NOL11: variants seen among roughly 807,000 people sequenced by gnomAD.
NOL11 encodes the protein nucleolar protein 11.
NOL11 carries 42 observed loss-of-function variants against 93.0 expected under a neutral mutation model. That is an observed-to-expected ratio of 0.45 (90% CI 0.35 to 0.58). The LOEUF is 0.58. NOL11 is among the 20% of genes least tolerant of loss of function. The probability of loss-of-function intolerance (pLI) is 0.00; values close to 1 mark genes in which losing one functional copy is unlikely to be tolerated. For synonymous variants in NOL11, 296 were observed against 293.7 expected (o/e 1.01, Z -0.08); for missense variants, 775 against 841.8 (o/e 0.92, Z 0.98).
chr17:67,720,263 A>G (rs1441649102), intron 3 of NOL11: 1 of 202,360 alleles, frequency 4.9e-6, no homozygotes, highest in Non-Finnish European at 9.8e-6. Context: ...GAATAGGTAG[A>G]ATAGACCCTG....
At chr17:67,723,169 C>T (rs2043231589) in intron 5 of NOL11, among the ~76,000 whole-genome samples, 1 of 151,726 alleles carries the variant, frequency 6.6e-6, no homozygotes, top group South Asian at 2.1e-4. Flanking sequence ...TGCACCACCA[C>T]GCCCAGCTAA....
chr17:67,723,744 TA>T (rs34643635), intron 5 of NOL11, among the ~76,000 whole-genome samples: 3,696 of 144,094 alleles, frequency 0.026, 156 homozygotes, highest in African/African-American at 0.081. Context: ...TCATCTCTAT[TA>T]AAAAAAAAAA....
At chr17:67,721,148 G>A (rs1395788653) in intron 3 of NOL11, among the ~76,000 whole-genome samples, 2 of 152,214 alleles carry the variant, frequency 1.3e-5, no homozygotes, top group South Asian at 2.1e-4. Flanking sequence ...AACCAAAAAT[G>A]AATTTACAGA....
At chr17:67,730,609 T>G (rs1041712946) in intron 7 of NOL11, among the ~76,000 whole-genome samples, 2 of 150,554 alleles carry the variant, frequency 1.3e-5, no homozygotes, top group Non-Finnish European at 3.0e-5. Context: ...GGGGAATTAC[T>G]GGGTCATGCG....
chr17:67,721,246 A>C, intron 3 of NOL11, 132 bp from the exon 4 acceptor site: 2 of 567,986 alleles, frequency 3.5e-6, no homozygotes, highest in South Asian at 3.3e-5. Context: ...TTGGAACCAT[A>C]CATAATTATA....
In NOL11 at chr17:67,724,244, T is replaced by C. The variant is rs76415921; in HGVS notation, c.664+51T>C. ...AGAGATTATAAATAGAGGATTGTTA[T>C]AGGATAGTGTATGTTTTTGAATCGT... On this transcript the variant is annotated intron_variant, in intron 6 of 17. Coordinates refer to ENST00000253247, the MANE Select transcript of NOL11 (RefSeq NM_015462.5). 687 of 1,088,738 alleles carry C rather than the reference T, an allele frequency of 6.3e-4. 3 individuals are homozygous for C. In the African/African-American group the frequency reaches 9.0e-3, roughly 14 times the overall value. The allele number at this position is 1,088,738 out of a possible 1,614,324, so 67.4% of individuals were successfully genotyped here. A position where few individuals can be genotyped will look rare whatever the true frequency, so the allele number is the denominator to read the frequency against.
chr17:67,726,412 T>C, intron 6 of NOL11, 48 bp from the exon 7 acceptor site: 1 of 1,496,822 alleles, frequency 6.7e-7, no homozygotes, highest in South Asian at 1.3e-5. Flanking sequence ...CTGTAATAGA[T>C]ATAGAAGTAT....
chr17:67,743,372 T>G, intron 16 of NOL11, 107 bp from the exon 17 acceptor site: 1 of 465,832 alleles, frequency 2.1e-6, no homozygotes. Flanking sequence ...CAGATTTTAT[T>G]TATAAAGACT....
In NOL11 at chr17:67,726,573, C is replaced by T. The variant is rs1335044465; in HGVS notation, c.778C>T (p.Arg260Ter). ...LLKAVVSGNA[R>*]NGVALTALDQ... ...CAAGGCTGTTGTATCTGGTAACGCTCGAAATGGAGTTGCACTCACTGCCCT... is the reference window on the plus strand; with the variant it reads ...CAAGGCTGTTGTATCTGGTAACGCTTGAAATGGAGTTGCACTCACTGCCCT... Residue 260 changes from arginine to a stop codon, truncating the protein, a stop_gained, in exon 7 of 18, where the codon CGA becomes TGA. Transcript: ENST00000253247. LOFTEE classifies it high-confidence loss of function. 2 of 1,614,068 alleles carry T rather than the reference C, an allele frequency of 1.2e-6. No homozygotes were observed. The highest frequency in any genetic ancestry group is 1.3e-5 in the African/African-American group (1 of 75,042).
chr17:67,740,794 A>G (rs1225046319), intron 16 of NOL11: 1 of 154,620 alleles, frequency 6.5e-6, no homozygotes, highest in Non-Finnish European at 1.5e-5. Context: ...CAACCATCCC[A>G]CATAGAAGCA....
intron 1 of NOL11, 120 bp from the exon 2 acceptor site, chr17:67,719,554 C>G (rs1394415937): frequency 2.2e-5 from 13 of 577,940 alleles, no homozygotes; most frequent in Non-Finnish European, 3.7e-5. Context: ...CCACTGCCCT[C>G]GGCCAGTAAA....
intron 7 of NOL11, among the ~76,000 whole-genome samples, chr17:67,731,856 T>G (rs919171699): frequency 6.6e-6 from 1 of 152,234 alleles, no homozygotes; most frequent in Non-Finnish European, 1.5e-5. Flanking sequence ...ACCACACTGT[T>G]TTGATTACTG....
Position 67,744,006 on chromosome 17 carries a change from G to T in NOL11, c.*147G>T. The T allele has an allele frequency of 2.2e-6, 1 of 455,078 alleles. No homozygotes were observed. The highest frequency in any genetic ancestry group is 3.9e-6 in the Non-Finnish European group (1 of 257,420). The allele number at this position is 455,078 out of a possible 1,614,324, so 28.2% of individuals were successfully genotyped here. A position where few individuals can be genotyped will look rare whatever the true frequency, so the allele number is the denominator to read the frequency against. On this transcript the variant is annotated 3_prime_UTR_variant, in exon 18 of 18. Coordinates refer to ENST00000253247, the MANE Select transcript of NOL11 (RefSeq NM_015462.5). ...GTACCTGGACCATCACTTAACTGAT[G>T]CTCCGGGGTAGGACTGCAGGTTTCA...
At chr17:67,723,016 T>C (rs886690191) in intron 5 of NOL11, among the ~76,000 whole-genome samples, 3 of 150,428 alleles carry the variant, frequency 2.0e-5, no homozygotes, top group Non-Finnish European at 4.4e-5. Context: ...TTTTTTTTTT[T>C]TTTTTTTTTT....
chr17:67,728,956 C>A (rs1057013352), intron 7 of NOL11, among the ~76,000 whole-genome samples: 2 of 151,960 alleles, frequency 1.3e-5, no homozygotes, highest in African/African-American at 4.8e-5. Context: ...TTTTGTAATG[C>A]TCTTTTTAAT....
chr17:67,732,631 T>G (rs541943392), intron 7 of NOL11, among the ~76,000 whole-genome samples: 4 of 152,112 alleles, frequency 2.6e-5, no homozygotes, highest in Middle Eastern at 3.4e-3. Flanking sequence ...TGGAGTGCAG[T>G]GGCATGATCT....
chr17:67,718,146 GAGCTCGAGCTCAAGTTTCTCAC>G, intron 1 of NOL11, 58 bp downstream of exon 1: 1 of 1,584,720 alleles, frequency 6.3e-7, no homozygotes, highest in South Asian at 1.1e-5. Context: ...TCTGAGCGCG[GAGCTCGAGCTCAAGTTTCTCAC>G]AGCTTCAGAA....
rs1440422333 is a variant in NOL11 at position 67,731,402 on chromosome 17, T to TA, written c.854-2960dup. Among the ~76,000 whole-genome samples, 2 of 34,238 alleles carry TA rather than the reference T, an allele frequency of 5.8e-5. 1 individual carries two copies. Among genetic ancestry groups the TA allele is most frequent in the African/African-American group, 1.6e-4 (2 of 12,320 alleles). 22.5% of individuals were successfully genotyped at this position (34,238 alleles called of 152,430 possible). Reference sequence around the variant, plus strand: ...CCTCAGCCTCCCGAGTAGCTGGGACTACAGGCGCCCGCCGCTGCGCCCGGC... The same window carrying TA: ...CCTCAGCCTCCCGAGTAGCTGGGACTAACAGGCGCCCGCCGCTGCGCCCGGC... On this transcript the variant is annotated intron_variant, in intron 7 of 17. Coordinates refer to ENST00000253247, the MANE Select transcript of NOL11 (RefSeq NM_015462.5).
rs749044341 is a variant in NOL11, at chr17:67,739,569, T to C, written c.1896T>C (p.Thr632=). 1 of 1,602,590 alleles carries C rather than the reference T, an allele frequency of 6.2e-7. No homozygotes were observed. The highest frequency in any genetic ancestry group is 8.5e-7 in the Non-Finnish European group (1 of 1,175,976). ...ACCTGAAGTGTAGCGAAAATGCTAC[T>C]ATGACTCTTCCTGGAATACACCCAC... is the stretch of plus-strand genomic sequence containing the variant. ...FLYLKCSENA[T]MTLPGIHPPT... Residue 632 remains threonine, a synonymous_variant, in exon 16 of 18, where the codon ACT becomes ACC. Transcript: ENST00000253247.
Sources: allele counts gnomAD v4.1 joint callset (sites outside exome capture counted in the v4.1 genomes callset), GRCh38; gene constraint gnomAD v4.1.1; transcripts MANE v1.5; gene names NCBI Gene and HGNC (gene_info 2026-07-23, HGNC 2026-07-21).